Variants in MAN1A2 observed in about 807,000 individuals in gnomAD.
The protein encoded by MAN1A2 is mannosyl-oligosaccharide 1,2-alpha-mannosidase IB.
Under a neutral mutation model 75.7 loss-of-function variants are expected in MAN1A2, and 26 were observed. That is an observed-to-expected ratio of 0.34 (90% CI 0.25 to 0.48). The LOEUF (loss-of-function observed/expected upper bound fraction) is 0.48. Among genes scored for constraint, MAN1A2 ranks in the 20% least tolerant of loss-of-function variants. The pLI, the probability that MAN1A2 is intolerant of heterozygous loss-of-function variation, is 0.99. For missense variants in MAN1A2, 562 were observed against 775.5 expected (o/e 0.72, Z 3.27); for synonymous variants, 247 against 264.6 (o/e 0.93, Z 0.65).
intron 4 of MAN1A2, among the ~76,000 whole-genome samples, chr1:117,418,217 A>C (rs956202009): frequency 6.6e-6 from 1 of 152,078 alleles, no homozygotes; most frequent in Non-Finnish European, 1.5e-5. Context: ...GATTCTGTGG[A>C]TATAGTAATC....
At chr1:117,378,552 A>G (rs2101722774) in intron 1 of MAN1A2, among the ~76,000 whole-genome samples, 1 of 152,256 alleles carries the variant, frequency 6.6e-6, no homozygotes, top group East Asian at 1.9e-4. Flanking sequence ...AACATTCTGT[A>G]CATATGTTCT....
At chr1:117,373,308 C>T (rs185520701) in intron 1 of MAN1A2, among the ~76,000 whole-genome samples, 178 of 151,934 alleles carry the variant, frequency 1.2e-3, no homozygotes, top group African/African-American at 3.7e-3. Context: ...CCTGTTTGGG[C>T]GACGTCACAT....
chr1:117,492,399 G>A (rs1156423213), intron 8 of MAN1A2, among the ~76,000 whole-genome samples: 1 of 152,054 alleles, frequency 6.6e-6, no homozygotes, highest in Non-Finnish European at 1.5e-5. Flanking sequence ...TAGCAATAAA[G>A]TATTTTTAAA....
At chr1:117,387,323 A>G (rs146773737) in intron 1 of MAN1A2, among the ~76,000 whole-genome samples, 14 of 152,206 alleles carry the variant, frequency 9.2e-5, no homozygotes, top group African/African-American at 3.4e-4. Context: ...GCTGCTGTAG[A>G]AAACAGTATG....
intron 5 of MAN1A2, among the ~76,000 whole-genome samples, chr1:117,439,023 A>C (rs193300802): frequency 2.3e-4 from 35 of 152,338 alleles, no homozygotes; most frequent in Admixed American, 2.3e-3. Flanking sequence ...CATTTGTGTG[A>C]AGACCTGAAG....
chr1:117,428,439 C>A (rs530113239), intron 5 of MAN1A2, among the ~76,000 whole-genome samples: 1 of 151,476 alleles, frequency 6.6e-6, no homozygotes, highest in South Asian at 2.1e-4. Flanking sequence ...ATAAAAAAAA[C>A]AGAAAGGAAG....
intron 5 of MAN1A2, among the ~76,000 whole-genome samples, chr1:117,436,994 T>C (rs1360181240): frequency 6.6e-6 from 1 of 152,152 alleles, no homozygotes; most frequent in Non-Finnish European, 1.5e-5. Flanking sequence ...GAGGGAAGTG[T>C]GTGTGAATGT....
chr1:117,500,699 T>C (rs906765627), intron 11 of MAN1A2, among the ~76,000 whole-genome samples: 6 of 151,864 alleles, frequency 4.0e-5, no homozygotes, highest in Non-Finnish European at 8.8e-5. Flanking sequence ...AGATGCAGCA[T>C]TTATTGATGC....
chr1:117,397,577 AT>A (rs1647219622), intron 1 of MAN1A2, among the ~76,000 whole-genome samples: 1 of 150,396 alleles, frequency 6.6e-6, no homozygotes, highest in Non-Finnish European at 1.5e-5. Context: ...TAATTTTAAT[AT>A]GGATTTTAAT....
At chr1:117,385,347 A>G (rs1386072038) in intron 1 of MAN1A2, among the ~76,000 whole-genome samples, 1 of 152,170 alleles carries the variant, frequency 6.6e-6, no homozygotes, top group Non-Finnish European at 1.5e-5. Context: ...AAGAACCTAT[A>G]TAGGTGAGTT....
chr1:117,372,069 AAGAG>A (rs993936248), intron 1 of MAN1A2, among the ~76,000 whole-genome samples: 1 of 152,198 alleles, frequency 6.6e-6, no homozygotes, highest in African/African-American at 2.4e-5. Context: ...CATAAATACT[AAGAG>A]AAGTTATTGA....
At chr1:117,509,945 A>C (rs1026056792) in intron 12 of MAN1A2, among the ~76,000 whole-genome samples, 3 of 151,680 alleles carry the variant, frequency 2.0e-5, no homozygotes, top group Non-Finnish European at 4.4e-5. Flanking sequence ...AAAAATATAT[A>C]TAATATATAT....
chr1:117,483,953 G>A (rs1051150355), intron 8 of MAN1A2, among the ~76,000 whole-genome samples: 2 of 151,870 alleles, frequency 1.3e-5, no homozygotes, highest in Non-Finnish European at 2.9e-5. Context: ...GGTATGGGGA[G>A]GGATTTTGCA....
chr1:117,424,553 G>C (rs1387873455), intron 5 of MAN1A2, among the ~76,000 whole-genome samples: 1 of 152,192 alleles, frequency 6.6e-6, no homozygotes, highest in Non-Finnish European at 1.5e-5. Context: ...TTTTGCTCAT[G>C]ACTTGGGAAG....
In MAN1A2 at chr1:117,525,267, G is replaced by T; in HGVS notation, c.*2310G>T. 2.7e-6 allele frequency: 1 copy of T among 364,290 alleles called. No homozygotes were observed. 22.6% of individuals were successfully genotyped at this position (364,290 alleles called of 1,614,324 possible). ...TTCTTCACCACTCCTTACCTTCTAT[G>T]TGATGGAAAGACTAGAGCTTATAAA... On this transcript the variant is annotated 3_prime_UTR_variant, in exon 13 of 13. Transcript: ENST00000356554.
Position 117,523,043 on chromosome 1 carries a change from A to C in MAN1A2, c.*86A>C. On this transcript the variant is annotated 3_prime_UTR_variant, in exon 13 of 13. Coordinates refer to ENST00000356554, the MANE Select transcript of MAN1A2 (RefSeq NM_006699.5). The stretch of plus-strand genomic sequence containing the variant: ...TAGTTTGAAGGGGCGGCTTTTGAAA[A>C]CCTGGACCTCTATGTCAACATGACA... 1.4e-6 allele frequency: 2 copies of C among 1,425,714 alleles called. No homozygotes were observed. The highest frequency in any genetic ancestry group is 2.0e-6 in the Non-Finnish European group (2 of 1,020,246). The allele number at this position is 1,425,714 out of a possible 1,614,324, so 88.3% of individuals were successfully genotyped here.
intron 1 of MAN1A2, among the ~76,000 whole-genome samples, chr1:117,386,531 T>A (rs1396125152): frequency 6.6e-6 from 1 of 152,176 alleles, no homozygotes; most frequent in Non-Finnish European, 1.5e-5. Flanking sequence ...AAAACCAGGT[T>A]ATATGGCTAT....
intron 1 of MAN1A2, among the ~76,000 whole-genome samples, chr1:117,369,916 C>T (rs1652901187): frequency 6.6e-6 from 1 of 152,038 alleles, no homozygotes. Context: ...TTCACAACAG[C>T]CACACATTAA....
intron 1 of MAN1A2, among the ~76,000 whole-genome samples, chr1:117,382,979 T>G (rs1056147027): frequency 6.6e-6 from 1 of 152,192 alleles, no homozygotes; most frequent in Non-Finnish European, 1.5e-5. Context: ...ATCTGTGAAT[T>G]GAATTGATTT....
Sources: gnomAD v4.1 joint callset for allele counts (sites outside exome capture counted in the v4.1 genomes callset) on GRCh38, gnomAD v4.1.1 for gene constraint, MANE v1.5 for transcripts, NCBI Gene and HGNC (gene_info 2026-07-23, HGNC 2026-07-21) for gene names.